The following BABAM2 variants were observed in gnomAD, a reference collection of about 807,000 sequenced individuals.
BABAM2 encodes the protein BRISC and BRCA1-A complex member 2.
Under a neutral mutation model 54.7 loss-of-function variants are expected in BABAM2, and 31 were observed. That is an observed-to-expected ratio of 0.57 (90% CI 0.43 to 0.77). BABAM2 has a LOEUF of 0.77. BABAM2 is among the 30% of genes least tolerant of loss of function. The pLI is 0.00. For synonymous variants in BABAM2, 167 were observed against 162.9 expected (o/e 1.03, Z -0.19); for missense variants, 364 against 455.8 (o/e 0.80, Z 1.83).
At chr2:28,143,932 A>G (rs965357834) in intron 7 of BABAM2, among the ~76,000 whole-genome samples, 3 of 152,134 alleles carry the variant, frequency 2.0e-5, no homozygotes, top group African/African-American at 7.2e-5. Flanking sequence ...TTTACCTTCT[A>G]TCCTGACCCA....
rs182981216 is a variant in BABAM2 at position 28,168,170 on chromosome 2, C to T, written c.680+38790C>T. Among the ~76,000 whole-genome samples the T allele has an allele frequency of 1.5e-3, 228 of 152,278 alleles. 1 individual carries two copies. Among genetic ancestry groups the T allele is most frequent in the African/African-American group, 5.4e-3 (223 of 41,548 alleles). On this transcript the variant is annotated intron_variant, in intron 7 of 11. Transcript: ENST00000379624. ...TCCCGTGGTCTAGACGTAGAAGCTG[C>T]CTTTAACAAGGGTCCACCAGCACAC...
At chr2:28,242,699 C>G (rs1280795617) in intron 9 of BABAM2, among the ~76,000 whole-genome samples, 2 of 152,074 alleles carry the variant, frequency 1.3e-5, no homozygotes, top group South Asian at 2.1e-4. Context: ...AATTTTCAAA[C>G]CATGGCACAA....
At chr2:27,991,231 A>G (rs955376439) in intron 4 of BABAM2, among the ~76,000 whole-genome samples, 4 of 151,968 alleles carry the variant, frequency 2.6e-5, no homozygotes, top group Admixed American at 1.3e-4. Context: ...GGCTATTTTT[A>G]TGATTTCTCT....
intron 10 of BABAM2, among the ~76,000 whole-genome samples, chr2:28,281,401 C>T (rs1344437225): frequency 6.6e-6 from 1 of 152,184 alleles, no homozygotes; most frequent in Non-Finnish European, 1.5e-5. Context: ...TAGGTCAATA[C>T]TTTAAAAAAT....
chr2:28,285,646 G>T (rs1440441255), intron 10 of BABAM2, among the ~76,000 whole-genome samples: 1 of 151,980 alleles, frequency 6.6e-6, no homozygotes, highest in Non-Finnish European at 1.5e-5. Flanking sequence ...CCAAACTTCA[G>T]GCCTGACTCT....
chr2:27,976,787 A>G (rs1310306532), intron 3 of BABAM2, among the ~76,000 whole-genome samples: 1 of 152,056 alleles, frequency 6.6e-6, no homozygotes, highest in Non-Finnish European at 1.5e-5. Flanking sequence ...GTAAGTTTAA[A>G]ATTATGTATG....
At chr2:27,936,285 AAGTC>A (rs1380026269) in intron 3 of BABAM2, among the ~76,000 whole-genome samples, 2 of 152,158 alleles carry the variant, frequency 1.3e-5, no homozygotes, top group Admixed American at 6.5e-5. Flanking sequence ...AATGATTAAA[AAGTC>A]AGGAAACAAC....
intron 11 of BABAM2, among the ~76,000 whole-genome samples, chr2:28,300,267 T>G (rs986125005): frequency 1.3e-5 from 2 of 152,166 alleles, no homozygotes; most frequent in African/African-American, 4.8e-5. Context: ...TCAGGGTGTC[T>G]TCTTCTAGAA....
intron 7 of BABAM2, among the ~76,000 whole-genome samples, chr2:28,158,086 CA>C (rs1428650062): frequency 1.3e-5 from 2 of 152,042 alleles, no homozygotes; most frequent in Non-Finnish European, 2.9e-5. Flanking sequence ...ATATTGATCA[CA>C]AATATAATAA....
At chr2:28,157,486 A>G (rs993614901) in intron 7 of BABAM2, among the ~76,000 whole-genome samples, 2 of 152,240 alleles carry the variant, frequency 1.3e-5, no homozygotes, top group African/African-American at 4.8e-5. Context: ...ACAAGCTTTG[A>G]TAGCAGCAAA....
chr2:28,028,956 G>A (rs1676098286), intron 5 of BABAM2, among the ~76,000 whole-genome samples: 1 of 151,864 alleles, frequency 6.6e-6, no homozygotes, highest in African/African-American at 2.4e-5. Flanking sequence ...TAGTAGAGAC[G>A]GGATTTCACT....
chr2:28,026,490 C>T (rs1399033527), intron 5 of BABAM2, among the ~76,000 whole-genome samples: 2 of 151,492 alleles, frequency 1.3e-5, no homozygotes, highest in African/African-American at 4.9e-5. Context: ...GAACAGGAAA[C>T]CAAACATGGC....
intron 11 of BABAM2, among the ~76,000 whole-genome samples, chr2:28,336,818 G>T (rs58442800): frequency 6.6e-6 from 1 of 152,260 alleles, no homozygotes; most frequent in Admixed American, 6.5e-5. Flanking sequence ...GTCAGATTGC[G>T]TGGGGCTCTT....
In BABAM2 at chr2:28,025,400, G is replaced by A. The variant is rs768219920; in HGVS notation, c.475G>A (p.Ala159Thr). The change falls in exon 5 of 12, where the codon GCT becomes ACT. Residue 159 changes from alanine (A) to threonine (T), a missense_variant. By Grantham distance (58) the Ala-to-Thr change is moderately conservative (BLOSUM62 0). Coordinates refer to ENST00000379624, the MANE Select transcript of BABAM2 (RefSeq NM_199191.3). Reference protein sequence around the residue: ...PQYGENMEIYAGKKNNWTGEF... With the variant: ...PQYGENMEIYTGKKNNWTGEF... ...GTATGGAGAGAACATGGAAATTTATGCTGGGAAAAAAAACAACTGGGTAAG... is the reference window on the plus strand; with the variant it reads ...GTATGGAGAGAACATGGAAATTTATACTGGGAAAAAAAACAACTGGGTAAG... 6.4e-7 allele frequency: 1 copy of A among 1,570,490 alleles called. No individual in the cohort carries two copies. The highest frequency in any genetic ancestry group is 2.2e-5 in the Admixed American group (1 of 46,482).
At chr2:28,007,470 A>G (rs1674058775) in intron 4 of BABAM2, among the ~76,000 whole-genome samples, 2 of 152,070 alleles carry the variant, frequency 1.3e-5, no homozygotes, top group South Asian at 4.1e-4. Context: ...TTGGCTGGAG[A>G]AGATAGTGAT....
intron 10 of BABAM2, among the ~76,000 whole-genome samples, chr2:28,275,468 G>A (rs1355301409): frequency 1.3e-5 from 2 of 152,138 alleles, no homozygotes; most frequent in African/African-American, 2.4e-5. Flanking sequence ...CCTGGGGTGG[G>A]GCTGCTGAGA....
At chr2:27,903,925 G>C (rs566274165) in intron 2 of BABAM2, among the ~76,000 whole-genome samples, 2 of 152,162 alleles carry the variant, frequency 1.3e-5, no homozygotes, top group South Asian at 4.1e-4. Flanking sequence ...TTTATGGCTT[G>C]TCGTTAGTGT....
rs1247053679 is a variant in BABAM2 at position 28,282,992 on chromosome 2, C to T, written c.935-15346C>T. Among the ~76,000 whole-genome samples, 58 of 23,628 alleles carry T rather than the reference C, an allele frequency of 2.5e-3. 1 individual carries two copies. Among genetic ancestry groups the T allele is most frequent in the Non-Finnish European group, 5.9e-4 (7 of 11,912 alleles). 15.5% of individuals were successfully genotyped at this position (23,628 alleles called of 152,430 possible). A position where few individuals can be genotyped will look rare whatever the true frequency, so the allele number is the denominator to read the frequency against. On this transcript the variant is annotated intron_variant, in intron 10 of 11. Transcript: ENST00000379624. ...CAGCCCAGGCAGCAGAGCGAGACTC[C>T]GTCCCAAAAAAAAAAAAAAAAAAAA...
chr2:28,161,006 G>A (rs79756901), intron 7 of BABAM2, among the ~76,000 whole-genome samples: 13,085 of 152,166 alleles, frequency 0.086, 613 homozygotes, highest in East Asian at 0.15. Context: ...GGTTCTCTGT[G>A]AATTTATTAA....
Sources: gnomAD v4.1 joint callset for allele counts (sites outside exome capture counted in the v4.1 genomes callset) on GRCh38, gnomAD v4.1.1 for gene constraint, MANE v1.5 for transcripts, NCBI Gene and HGNC (gene_info 2026-07-23, HGNC 2026-07-21) for gene names.